The following PURA variants were observed in gnomAD, a reference collection of about 807,000 sequenced individuals.
PURA encodes purine rich element binding protein A, also known as transcriptional activator protein Pur-alpha.
In PURA, 2 loss-of-function variants were observed where a neutral mutation model predicts 23.1. That is an observed-to-expected ratio of 0.09 (90% CI 0.04 to 0.27). The LOEUF is 0.27. Among genes scored for constraint, PURA ranks in the 10% least tolerant of loss-of-function variants. The pLI is 1.00. For missense variants in PURA, 187 were observed against 449.7 expected (o/e 0.42, Z 5.28); for synonymous variants, 254 against 205.9 (o/e 1.23, Z -2.00).
chr5:140,115,469 T>G lies in PURA; in HGVS notation c.*319T>G, dbSNP rs560460712. Reference sequence around the variant, plus strand: ...GTGTTTCCTACTTGATTAAAAAATATAAAGAACTGAGTGTTTATTTCCCTA... The same window carrying G: ...GTGTTTCCTACTTGATTAAAAAATAGAAAGAACTGAGTGTTTATTTCCCTA... On this transcript the variant is annotated 3_prime_UTR_variant, in exon 1 of 1. Coordinates refer to ENST00000331327, the MANE Select transcript of PURA (RefSeq NM_005859.5). The surrounding 1 kb of genome is among the most constrained non-coding windows in gnomAD (Gnocchi z 4.1). 5.2e-6 allele frequency: 1 copy of G among 193,058 alleles called. No individual in the cohort carries two copies. Among genetic ancestry groups the G allele is most frequent in the Non-Finnish European group, 1.2e-5 (1 of 85,718 alleles). 12.0% of individuals were successfully genotyped at this position (193,058 alleles called of 1,614,324 possible).
Position 140,114,168 on chromosome 5 carries a change from C to T in PURA, c.-14C>T, listed in dbSNP as rs1763034038. 4.5e-6 allele frequency: 3 copies of T among 672,664 alleles called. No individual in the cohort carries two copies. The highest frequency in any genetic ancestry group is 7.1e-5 in the South Asian group (1 of 14,002). The allele number at this position is 672,664 out of a possible 1,614,324, so 41.7% of individuals were successfully genotyped here. On this transcript the variant is annotated 5_prime_UTR_variant, in exon 1 of 1. Transcript: ENST00000331327. The stretch of plus-strand genomic sequence containing the variant: ...GCGGCAGGCGGCGGCGGCGCGGCAG[C>T]GGAGCGCAGCATCATGGCGGACCGA...
rs1299476068 is a variant in PURA at position 140,117,912 on chromosome 5, T to C, written c.*2762T>C. 6.0e-6 allele frequency: 1 copy of C among 166,976 alleles called. No homozygotes were observed. Among genetic ancestry groups the C allele is most frequent in the Non-Finnish European group, 1.5e-5 (1 of 68,086 alleles). The allele number at this position is 166,976 out of a possible 1,614,324, so 10.3% of individuals were successfully genotyped here. A position where few individuals can be genotyped will look rare whatever the true frequency, so the allele number is the denominator to read the frequency against. ...ACTAAGTGACTGTAAAGATGCTCTT[T>C]TTTTAAGCATCTCACTTTACCTCCC... On this transcript the variant is annotated 3_prime_UTR_variant, in exon 1 of 1. Transcript: ENST00000331327.
Position 140,123,350 on chromosome 5 carries a change from A to G in PURA, c.*8200A>G, listed in dbSNP as rs751965438. The G allele has an allele frequency of 3.6e-5, 6 of 166,960 alleles. No individual in the cohort carries two copies. The highest frequency in any genetic ancestry group is 8.8e-5 in the Non-Finnish European group (6 of 68,042). The allele number at this position is 166,960 out of a possible 1,614,324, so 10.3% of individuals were successfully genotyped here. ...GTTGTTAGGGTTTATAAAGTTGTCA[A>G]TGTGTAAAAGTGCAAAAGCAGGAAA... On this transcript the variant is annotated 3_prime_UTR_variant, in exon 1 of 1. Coordinates refer to ENST00000331327, the MANE Select transcript of PURA (RefSeq NM_005859.5).
chr5:140,115,052 G>A lies in PURA; in HGVS notation c.871G>A (p.Ala291Thr). Residue 291 changes from alanine (A) to threonine (T), a missense_variant, in exon 1 of 1, where the codon GCC (alanine) becomes ACC (threonine). By Grantham distance (58) the Ala-to-Thr change is moderately conservative. Coordinates refer to ENST00000331327, the MANE Select transcript of PURA (RefSeq NM_005859.5). This position sits in a 1 kb window ranked among gnomAD's most constrained non-coding sequence, Gnocchi z 4.1. ...AGAGAAGCAGAGGGAGAAGCGGGCT[G>A]CCTGTGAGCAGCTTCACCAGCAGCA... ...IQEKQREKRA[A>T]CEQLHQQQQQ... is the part of the protein sequence containing the mutation. 6.2e-7 allele frequency: 1 copy of A among 1,613,980 alleles called. No homozygotes were observed. The highest frequency in any genetic ancestry group is 8.5e-7 in the Non-Finnish European group (1 of 1,180,000).
Position 140,120,479 on chromosome 5 carries a change from A to C in PURA, c.*5329A>C, listed in dbSNP as rs552181721. 19 of 166,896 alleles carry C rather than the reference A, an allele frequency of 1.1e-4. No individual in the cohort carries two copies. The highest frequency in any genetic ancestry group is 4.6e-4 in the African/African-American group (19 of 41,568). The allele number at this position is 166,896 out of a possible 1,614,324, so 10.3% of individuals were successfully genotyped here. ...AAGTGATCACTGCTATTCACGAATT[A>C]TTATAGAATCTTCTTTGCAGATTTT... On this transcript the variant is annotated 3_prime_UTR_variant, in exon 1 of 1. Coordinates refer to ENST00000331327, the MANE Select transcript of PURA (RefSeq NM_005859.5).
Position 140,114,689 on chromosome 5 carries a change from A to G in PURA, c.508A>G (p.Ile170Val). ...KENQRGRFLRIRQTVNRGPGL... is the reference protein window; with the variant it reads ...KENQRGRFLRVRQTVNRGPGL... The stretch of plus-strand genomic sequence containing the variant: ...GAACCAGCGCGGCCGCTTCCTGCGC[A>G]TCCGCCAGACGGTCAACCGGGGGCC... Residue 170 changes from isoleucine (I) to valine (V), a missense_variant, in exon 1 of 1, where the codon ATC (isoleucine) becomes GTC (valine). Physicochemically the swap from Ile to Val is conservative, Grantham distance 29 (BLOSUM62 3). This residue lies in a region of PURA where 11 missense variants were observed against 26.4 expected (regional missense o/e 0.42). Transcript: ENST00000331327. 1 of 1,612,506 alleles carries G rather than the reference A, an allele frequency of 6.2e-7. No individual in the cohort carries two copies. The highest frequency in any genetic ancestry group is 8.5e-7 in the Non-Finnish European group (1 of 1,179,830).
rs941764213 is a variant in PURA, at chr5:140,121,411, G to A, written c.*6261G>A. 1.4e-4 allele frequency: 23 copies of A among 166,886 alleles called. No homozygotes were observed. The highest frequency in any genetic ancestry group is 9.8e-4 in the Admixed American group (15 of 15,250). The allele number at this position is 166,886 out of a possible 1,614,324, so 10.3% of individuals were successfully genotyped here. A position where few individuals can be genotyped will look rare whatever the true frequency, so the allele number is the denominator to read the frequency against. ...TCAGCTAATGACTTATCAGACACAT[G>A]TTGAGTTTGGGTCAAACTCCCATTC... On this transcript the variant is annotated 3_prime_UTR_variant, in exon 1 of 1. Transcript: ENST00000331327.
rs1270667547 is a variant in PURA at position 140,124,692 on chromosome 5, A to C, written c.*9542A>C. The C allele has an allele frequency of 6.0e-6, 1 of 167,022 alleles. No homozygotes were observed. Among genetic ancestry groups the C allele is most frequent in the Non-Finnish European group, 1.5e-5 (1 of 68,108 alleles). 10.3% of individuals were successfully genotyped at this position (167,022 alleles called of 1,614,324 possible). ...AGATAATCCTTTACTCAAAATCATA[A>C]GTTAAAGATTCACATCATTAAGAGT... On this transcript the variant is annotated 3_prime_UTR_variant, in exon 1 of 1. Transcript: ENST00000331327.
chr5:140,114,356 C>A lies in PURA; in HGVS notation c.175C>A (p.Gln59Lys). 6.3e-7 allele frequency: 1 copy of A among 1,596,180 alleles called. No individual in the cohort carries two copies. Residue 59 changes from glutamine (Q) to lysine (K), a missense_variant, in exon 1 of 1, where the codon CAG becomes AAG. Gln to Lys is a moderately conservative substitution (Grantham distance 53). Transcript: ENST00000331327. ...CCCAGGGGGGCTGCAGCACGAGACG[C>A]AGGAGCTGGCCTCCAAGCGGGTGGA... ...GAPGGLQHET[Q>K]ELASKRVDIQ...
chr5:140,114,115 G>T lies in PURA; in HGVS notation c.-67G>T. ...GGAGCCGGGGAGGGAAAGCAGCGGC[G>T]GCTGAGGCGACTGAGGCGGCGGGCG... On this transcript the variant is annotated 5_prime_UTR_variant, in exon 1 of 1. Transcript: ENST00000331327. 3.0e-6 allele frequency: 1 copy of T among 336,848 alleles called. No individual in the cohort carries two copies. The highest frequency in any genetic ancestry group is 5.0e-6 in the Non-Finnish European group (1 of 201,326). The allele number at this position is 336,848 out of a possible 1,614,324, so 20.9% of individuals were successfully genotyped here. A position where few individuals can be genotyped will look rare whatever the true frequency, so the allele number is the denominator to read the frequency against.
Position 140,125,079 on chromosome 5 carries a change from T to G in PURA, c.*9929T>G, listed in dbSNP as rs1199335169. 6.0e-6 allele frequency: 1 copy of G among 166,918 alleles called. No individual in the cohort carries two copies. Among genetic ancestry groups the G allele is most frequent in the Non-Finnish European group, 1.5e-5 (1 of 68,086 alleles). 10.3% of individuals were successfully genotyped at this position (166,918 alleles called of 1,614,324 possible). A position where few individuals can be genotyped will look rare whatever the true frequency, so the allele number is the denominator to read the frequency against. On this transcript the variant is annotated 3_prime_UTR_variant, in exon 1 of 1. Transcript: ENST00000331327. ...CCCTCTAAGTCCCTATAACCCTTTT[T>G]GGGGGTCACAGATATCTTTGATAAT... is the stretch of plus-strand genomic sequence containing the variant.
At position 140,115,455 on chromosome 5, in the gene PURA, T is replaced by C. The variant is rs1763065767; in HGVS notation, c.*305T>C. ...ACATTATATGAACTGTGTTTCCTACTTGATTAAAAAATATAAAGAACTGAG... is the reference window on the plus strand; with the variant it reads ...ACATTATATGAACTGTGTTTCCTACCTGATTAAAAAATATAAAGAACTGAG... On this transcript the variant is annotated 3_prime_UTR_variant, in exon 1 of 1. Transcript: ENST00000331327. This position sits in a 1 kb window ranked among gnomAD's most constrained non-coding sequence, Gnocchi z 4.1. The C allele has an allele frequency of 4.9e-6, 1 of 205,654 alleles. No homozygotes were observed. The highest frequency in any genetic ancestry group is 2.3e-5 in the African/African-American group (1 of 43,072). The allele number at this position is 205,654 out of a possible 1,614,324, so 12.7% of individuals were successfully genotyped here.
In PURA at chr5:140,122,337, C is replaced by T. The variant is rs1039204183; in HGVS notation, c.*7187C>T. ...GGGCTCTTGTTACAATGTAGTTTAC[C>T]TTTACTTTTCAAATGGTCCTTAGAT... On this transcript the variant is annotated 3_prime_UTR_variant, in exon 1 of 1. Coordinates refer to ENST00000331327, the MANE Select transcript of PURA (RefSeq NM_005859.5). 2 of 166,734 alleles carry T rather than the reference C, an allele frequency of 1.2e-5. No homozygotes were observed. The highest frequency in any genetic ancestry group is 2.9e-5 in the Non-Finnish European group (2 of 67,994). 10.3% of individuals were successfully genotyped at this position (166,734 alleles called of 1,614,324 possible).
Position 140,120,387 on chromosome 5 carries a change from A to C in PURA, c.*5237A>C, listed in dbSNP as rs548002203. ...TAAAGTGTATCAATTTTTAAATCAC[A>C]ATATTTCTGTTTTCTTCATTGCATA... On this transcript the variant is annotated 3_prime_UTR_variant, in exon 1 of 1. Transcript: ENST00000331327. 1.2e-5 allele frequency: 2 copies of C among 166,978 alleles called. No individual in the cohort carries two copies. Among genetic ancestry groups the C allele is most frequent in the African/African-American group, 4.8e-5 (2 of 41,562 alleles). 10.3% of individuals were successfully genotyped at this position (166,978 alleles called of 1,614,324 possible). A position where few individuals can be genotyped will look rare whatever the true frequency, so the allele number is the denominator to read the frequency against.
Position 140,114,790 on chromosome 5 carries a change from C to G in PURA, c.609C>G (p.Ala203=). Residue 203 remains alanine, a synonymous_variant, in exon 1 of 1, where the codon GCC becomes GCG. Transcript: ENST00000331327. Reference sequence around the variant, plus strand: ...TCATCGAGTTCCGTGACGCTCTGGCCAAGCTCATCGACGACTACGGAGTGG... The same window carrying G: ...TCATCGAGTTCCGTGACGCTCTGGCGAAGCTCATCGACGACTACGGAGTGG... ...QGLIEFRDAL[A]KLIDDYGVEE... 6.2e-7 allele frequency: 1 copy of G among 1,613,816 alleles called. No individual in the cohort carries two copies. The highest frequency in any genetic ancestry group is 8.5e-7 in the Non-Finnish European group (1 of 1,179,826).
chr5:140,125,589 T>C lies in PURA; in HGVS notation c.*10439T>C, dbSNP rs1228927237. 1 of 166,986 alleles carries C rather than the reference T, an allele frequency of 6.0e-6. No individual in the cohort carries two copies. The highest frequency in any genetic ancestry group is 2.4e-5 in the African/African-American group (1 of 41,416). The allele number at this position is 166,986 out of a possible 1,614,324, so 10.3% of individuals were successfully genotyped here. Reference sequence around the variant, plus strand: ...CACCAAAAGATTTTAGTTTTGTCTGTTGGGAAACAAGATGTCACTAGGGAA... The same window carrying C: ...CACCAAAAGATTTTAGTTTTGTCTGCTGGGAAACAAGATGTCACTAGGGAA... On this transcript the variant is annotated 3_prime_UTR_variant, in exon 1 of 1. Transcript: ENST00000331327.
Position 140,120,765 on chromosome 5 carries a change from G to A in PURA, c.*5615G>A, listed in dbSNP as rs545801704. Reference sequence around the variant, plus strand: ...AACTACCAAGTTTTGATGTTGAATGGTCCAGGCAATTTATGTCTTTAGGAA... The same window carrying A: ...AACTACCAAGTTTTGATGTTGAATGATCCAGGCAATTTATGTCTTTAGGAA... On this transcript the variant is annotated 3_prime_UTR_variant, in exon 1 of 1. Transcript: ENST00000331327. 8.4e-5 allele frequency: 14 copies of A among 166,964 alleles called. No homozygotes were observed. Among genetic ancestry groups the A allele is most frequent in the African/African-American group, 3.1e-4 (13 of 41,558 alleles). The allele number at this position is 166,964 out of a possible 1,614,324, so 10.3% of individuals were successfully genotyped here. A position where few individuals can be genotyped will look rare whatever the true frequency, so the allele number is the denominator to read the frequency against.
Position 140,120,875 on chromosome 5 carries a change from G to A in PURA, c.*5725G>A, listed in dbSNP as rs867477798. On this transcript the variant is annotated 3_prime_UTR_variant, in exon 1 of 1. Transcript: ENST00000331327. ...TCATTCATTTTTATTTTGTCCCCAC[G>A]TTTGGTATTTGTTTTGTTTTGTGTT... The A allele has an allele frequency of 1.2e-5, 2 of 166,500 alleles. No individual in the cohort carries two copies. The highest frequency in any genetic ancestry group is 4.8e-5 in the African/African-American group (2 of 41,402). The allele number at this position is 166,500 out of a possible 1,614,324, so 10.3% of individuals were successfully genotyped here.
At position 140,114,289 on chromosome 5, in the gene PURA, C is replaced by T. The variant is rs1763037598; in HGVS notation, c.108C>T (p.Gly36=). ...CAGGCTCCGGCGGGGGCGGTGGTGG[C>T]GGCGGGGGCGGCGGCGGCAGTGGCG... is the stretch of plus-strand genomic sequence containing the variant. ...SGSGSGGGGG[G]GGGGGGSGGG... is the part of the protein sequence containing the mutation. The change falls in exon 1 of 1, where the codon GGC becomes GGT. Residue 36 remains glycine, a synonymous_variant. Transcript: ENST00000331327. The T allele has an allele frequency of 1.6e-6, 2 of 1,220,552 alleles. No homozygotes were observed. Among genetic ancestry groups the T allele is most frequent in the Non-Finnish European group, 2.0e-6 (2 of 991,406 alleles). 75.6% of individuals were successfully genotyped at this position (1,220,552 alleles called of 1,614,324 possible).
Sources: gnomAD v4.1 joint callset for allele counts on GRCh38, gnomAD v4.1.1 for gene constraint, gnomAD v4.1.1 regional missense constraint, Gnocchi (gnomAD v3.1) non-coding constraint, MANE v1.5 for transcripts, NCBI Gene and HGNC (gene_info 2026-07-23, HGNC 2026-07-21) for gene names.